The following DBT variants were observed in gnomAD, a reference collection of about 807,000 sequenced individuals.
DBT encodes the protein dihydrolipoamide branched chain transacylase E2, also known as lipoamide acyltransferase component of branched-chain alpha-keto acid dehydrogenase complex, mitochondrial.
Under a neutral mutation model 51.3 loss-of-function variants are expected in DBT, and 40 were observed. The observed-to-expected ratio is 0.78, with a 90% CI of 0.61 to 1.02. The LOEUF (loss-of-function observed/expected upper bound fraction) is 1.02, where lower values mean the gene tolerates loss of function less well. Among genes scored for constraint, DBT ranks in the 50% least tolerant of loss-of-function variants. The probability of loss-of-function intolerance (pLI) is 0.00; values close to 1 mark genes in which losing one functional copy is unlikely to be tolerated. For missense variants in DBT, 510 were observed against 580.2 expected (o/e 0.88, Z 1.24); for synonymous variants, 181 against 190.4 (o/e 0.95, Z 0.41).
intron 1 of DBT, among the ~76,000 whole-genome samples, chr1:100,242,627 T>C (rs907063986): frequency 2.6e-5 from 4 of 152,078 alleles, no homozygotes. Context: ...CAGAAGACAA[T>C]AAAAGAATTC....
At chr1:100,221,230 CAT>C (rs1298371858) in intron 4 of DBT, among the ~76,000 whole-genome samples, 1 of 152,134 alleles carries the variant, frequency 6.6e-6, no homozygotes, top group Non-Finnish European at 1.5e-5. Flanking sequence ...AGAAGTCACT[CAT>C]ATATTATTTC....
chr1:100,187,841 A>G lies in DBT; in HGVS notation c.*8414T>C, dbSNP rs1001170911. On this transcript the variant is annotated 3_prime_UTR_variant, in exon 11 of 11. Coordinates refer to ENST00000370132, the MANE Select transcript of DBT (RefSeq NM_001918.5). ...TTATGGAATGTTTAATATCTTGTAA[A>G]TGTGGAAGCTGTGACAAATTTTTGT... 5 of 152,162 alleles carry G rather than the reference A, an allele frequency of 3.3e-5. No individual in the cohort carries two copies. Among genetic ancestry groups the G allele is most frequent in the African/African-American group, 1.2e-4 (5 of 41,432 alleles). The allele number at this position is 152,162 out of a possible 1,614,324, so 9.4% of individuals were successfully genotyped here. A position where few individuals can be genotyped will look rare whatever the true frequency, so the allele number is the denominator to read the frequency against.
intron 3 of DBT, among the ~76,000 whole-genome samples, chr1:100,232,053 T>C (rs1663580993): frequency 6.6e-6 from 1 of 152,240 alleles, no homozygotes; most frequent in African/African-American, 2.4e-5. Flanking sequence ...TCTTCTGTTT[T>C]AAACTTTCAG....
chr1:100,247,473 A>G (rs1290284216), intron 1 of DBT, among the ~76,000 whole-genome samples: 2 of 150,424 alleles, frequency 1.3e-5, no homozygotes, highest in East Asian at 4.0e-4. Flanking sequence ...CCAAGGCAGG[A>G]GGATCACCTG....
intron 3 of DBT, among the ~76,000 whole-genome samples, chr1:100,234,533 A>G (rs1278168275): frequency 1.3e-5 from 2 of 152,160 alleles, no homozygotes; most frequent in African/African-American, 4.8e-5. Flanking sequence ...TGGTCTTGAA[A>G]AGAAGGTATT....
intron 7 of DBT, chr1:100,213,425 C>T (rs1662280629): frequency 1.9e-6 from 3 of 1,584,156 alleles, no homozygotes; most frequent in East Asian, 4.5e-5. Context: ...CTACTCCTAC[C>T]TCGTCACACG....
intron 7 of DBT, chr1:100,211,090 A>T: frequency 1.3e-6 from 1 of 779,266 alleles, no homozygotes; most frequent in East Asian, 2.4e-5. Context: ...TTCCTCACTG[A>T]CATGTTGATC....
rs748591310 is a variant in DBT, at chr1:100,196,381, T to G, written c.1323A>C (p.Ala441=). ...CTGACCAGCTCACATTCATTATCTG[T>G]GCCTTATATACTTCTCCTTTCTGGT... ...RFNQKGEVYK[A]QIMNVSWSAD... The change falls in exon 11 of 11, where the codon GCA becomes GCC. Residue 441 remains alanine (A), a synonymous_variant. Transcript: ENST00000370132. 1 of 1,601,488 alleles carries G rather than the reference T, an allele frequency of 6.2e-7. No individual in the cohort carries two copies.
intron 1 of DBT, among the ~76,000 whole-genome samples, chr1:100,246,135 G>T (rs749625539): frequency 6.6e-6 from 1 of 152,052 alleles, no homozygotes. Context: ...GGTGGCGCGT[G>T]CCTGCCCAGT....
chr1:100,237,285 G>T (rs570481829), intron 2 of DBT, among the ~76,000 whole-genome samples: 440 of 152,254 alleles, frequency 2.9e-3, no homozygotes, highest in African/African-American at 9.9e-3. Context: ...ACACATGAGT[G>T]AGACCATCTT....
Position 100,249,769 on chromosome 1 carries a change from C to A in DBT, c.51+1G>T, listed in dbSNP as rs398123669. The A allele has an allele frequency of 1.2e-6, 2 of 1,614,086 alleles. No individual in the cohort carries two copies. The highest frequency in any genetic ancestry group is 8.5e-7 in the Non-Finnish European group (1 of 1,179,906). On this transcript the variant is annotated splice_donor_variant, in intron 1 of 10. Transcript: ENST00000370132. LOFTEE classifies it high-confidence loss of function. ...CCTCAGATCTGCCCAAACGTGCTTA[C>A]CAGCTTCCCCGCATTCCTGCTCCAG...
At chr1:100,243,928 C>A in intron 1 of DBT, among the ~76,000 whole-genome samples, 1 of 124,270 alleles carries the variant, frequency 8.0e-6, no homozygotes, top group Admixed American at 9.4e-5. Flanking sequence ...TTAATATAGT[C>A]CATAGGTTTA....
At chr1:100,213,544 G>T in intron 7 of DBT, 1 of 1,565,552 alleles carries the variant, frequency 6.4e-7, no homozygotes, top group Non-Finnish European at 8.8e-7. Context: ...GCAGGGTCGG[G>T]GGGCTGCAGG....
chr1:100,232,292 G>GGTTGTT (rs35509059), intron 3 of DBT, among the ~76,000 whole-genome samples: 1 of 150,496 alleles, frequency 6.6e-6, no homozygotes, highest in African/African-American at 2.4e-5. Context: ...GGAGCATCTG[G>GGTTGTT]GTTGTTGTTG....
intron 4 of DBT, among the ~76,000 whole-genome samples, chr1:100,227,310 C>T (rs1196910418): frequency 6.6e-6 from 1 of 152,156 alleles, no homozygotes; most frequent in Non-Finnish European, 1.5e-5. Context: ...TTTGAAGTGA[C>T]TACTAAAGGA....
chr1:100,213,261 CGCCGGGGCCGACAGAGCCGA>C, intron 7 of DBT: 1 of 1,313,772 alleles, frequency 7.6e-7, no homozygotes, highest in Non-Finnish European at 9.7e-7. Flanking sequence ...GCCGCGTCCC[CGCCGGGGCCGACAGAGCCGA>C]GCCGGGCCGC....
chr1:100,225,285 T>G (rs1474976074), intron 4 of DBT, among the ~76,000 whole-genome samples: 1 of 151,950 alleles, frequency 6.6e-6, no homozygotes, highest in Non-Finnish European at 1.5e-5. Flanking sequence ...GAGATTAGTT[T>G]GGATTTTCTA....
At chr1:100,238,476 C>A (rs1041730264) in intron 2 of DBT, among the ~76,000 whole-genome samples, 1 of 149,494 alleles carries the variant, frequency 6.7e-6, no homozygotes, top group Non-Finnish European at 1.5e-5. Flanking sequence ...CCTCCTCCTT[C>A]TTCTCTTTTC....
At chr1:100,242,291 CAT>C (rs1664273118) in intron 1 of DBT, among the ~76,000 whole-genome samples, 1 of 151,566 alleles carries the variant, frequency 6.6e-6, no homozygotes, top group Admixed American at 6.6e-5. Flanking sequence ...ATAGTACAGT[CAT>C]GTTTTAATAC....
Sources: allele counts gnomAD v4.1 joint callset (sites outside exome capture counted in the v4.1 genomes callset), GRCh38; gene constraint gnomAD v4.1.1; transcripts MANE v1.5; gene names NCBI Gene and HGNC (gene_info 2026-07-23, HGNC 2026-07-21).